Variants in SLC6A11 observed in about 807,000 individuals in gnomAD.
SLC6A11 encodes the protein sodium- and chloride-dependent GABA transporter 3.
Under a neutral mutation model 74.8 loss-of-function variants are expected in SLC6A11, and 25 were observed. The observed-to-expected ratio is 0.33, with a 90% confidence interval of 0.24 to 0.47. SLC6A11 has a LOEUF of 0.47. SLC6A11 is among the 20% of genes least tolerant of loss of function. The pLI is 1.00. For synonymous variants in SLC6A11, 330 were observed against 330.2 expected (o/e 1.00, Z 0.01); for missense variants, 574 against 837.0 (o/e 0.69, Z 3.88).
chr3:10,899,008 A>G (rs1428920822), intron 6 of SLC6A11, among the ~76,000 whole-genome samples: 1 of 152,192 alleles, frequency 6.6e-6, no homozygotes, highest in Non-Finnish European at 1.5e-5. Flanking sequence ...GCCAAGCAAA[A>G]CAGGTTTCCC....
At chr3:10,845,421 C>T (rs573643202) in intron 5 of SLC6A11, among the ~76,000 whole-genome samples, 3 of 152,300 alleles carry the variant, frequency 2.0e-5, no homozygotes, top group Admixed American at 6.5e-5. Flanking sequence ...TCTCTCATGC[C>T]TGGGTTGCAC....
intron 8 of SLC6A11, among the ~76,000 whole-genome samples, chr3:10,920,871 G>C (rs1047716065): frequency 6.6e-6 from 1 of 152,250 alleles, no homozygotes; most frequent in Non-Finnish European, 1.5e-5. Context: ...TGTGCCTCTG[G>C]TTGGGGGTGT....
At chr3:10,852,389 A>G (rs1373396655) in intron 5 of SLC6A11, among the ~76,000 whole-genome samples, 1 of 152,276 alleles carries the variant, frequency 6.6e-6, no homozygotes, top group Non-Finnish European at 1.5e-5. Context: ...CTTTAAGTCA[A>G]AGGAGTTCAG....
chr3:10,896,894 G>A (rs528224696), intron 6 of SLC6A11, among the ~76,000 whole-genome samples: 102 of 152,172 alleles, frequency 6.7e-4, no homozygotes, highest in Non-Finnish European at 9.6e-4. Context: ...CCATATTCAC[G>A]TTGCTGATAA....
chr3:10,936,056 T>C (rs11128533), intron 13 of SLC6A11, among the ~76,000 whole-genome samples: 33,891 of 152,098 alleles, frequency 0.22, 4,545 homozygotes, highest in Middle Eastern at 0.34. Flanking sequence ...AGAGCGGCAC[T>C]CCCTATTCAC....
At chr3:10,883,105 G>A (rs1387209384) in intron 6 of SLC6A11, among the ~76,000 whole-genome samples, 4 of 152,194 alleles carry the variant, frequency 2.6e-5, no homozygotes, top group African/African-American at 9.7e-5. Flanking sequence ...GACCTTTATT[G>A]TGGATCCAGT....
At chr3:10,885,253 A>T (rs1441383529) in intron 6 of SLC6A11, among the ~76,000 whole-genome samples, 1 of 152,140 alleles carries the variant, frequency 6.6e-6, no homozygotes, top group Non-Finnish European at 1.5e-5. Context: ...CTAGATGACC[A>T]CCTTAACCTT....
chr3:10,859,167 G>A (rs546610354), intron 5 of SLC6A11, among the ~76,000 whole-genome samples: 3 of 152,356 alleles, frequency 2.0e-5, no homozygotes, highest in Admixed American at 2.0e-4. Flanking sequence ...CAGAACACAT[G>A]CCATTAAGTA....
intron 6 of SLC6A11, among the ~76,000 whole-genome samples, chr3:10,885,365 C>T (rs1011113148): frequency 6.6e-6 from 1 of 152,114 alleles, no homozygotes; most frequent in Non-Finnish European, 1.5e-5. Context: ...CAAGCTCTGC[C>T]TCCCCTATAA....
intron 6 of SLC6A11, among the ~76,000 whole-genome samples, chr3:10,898,628 T>C (rs1236322621): frequency 6.6e-6 from 1 of 152,228 alleles, no homozygotes; most frequent in Non-Finnish European, 1.5e-5. Context: ...TCAGCCTGGA[T>C]TTCATTGTCC....
rs912613791 is a variant in SLC6A11 at position 10,816,573 on chromosome 3, CG to C, written c.256+56del. The C allele has an allele frequency of 1.4e-6, 2 of 1,423,122 alleles. No individual in the cohort carries two copies. Among genetic ancestry groups the C allele is most frequent in the Admixed American group, 2.1e-5 (1 of 46,594 alleles). The allele number at this position is 1,423,122 out of a possible 1,614,324, so 88.2% of individuals were successfully genotyped here. A position where few individuals can be genotyped will look rare whatever the true frequency, so the allele number is the denominator to read the frequency against. On this transcript the variant is annotated intron_variant, in intron 1 of 13. Transcript: ENST00000254488. The surrounding 1 kb of genome is among the most constrained non-coding windows in gnomAD (Gnocchi z 4.2). ...GGGGGCGCCAACCGCCCGGTGGGGG[CG>C]GGGAGCCAGGGGCGAGCGCGAGACC... is the stretch of plus-strand genomic sequence containing the variant.
intron 4 of SLC6A11, among the ~76,000 whole-genome samples, chr3:10,841,580 A>G (rs1325512556): frequency 6.6e-6 from 1 of 152,222 alleles, no homozygotes; most frequent in East Asian, 1.9e-4. Context: ...GCTTTTAGTA[A>G]TCTGCTTCCC....
chr3:10,873,297 T>A (rs1301632506), intron 5 of SLC6A11, among the ~76,000 whole-genome samples: 1 of 152,024 alleles, frequency 6.6e-6, no homozygotes, highest in Non-Finnish European at 1.5e-5. Context: ...CAAGCCCAAA[T>A]GGTTCCAGGC....
chr3:10,903,914 A>G (rs1282375028), intron 6 of SLC6A11, among the ~76,000 whole-genome samples: 1 of 152,246 alleles, frequency 6.6e-6, no homozygotes. Flanking sequence ...AGGAAAAAGA[A>G]GTAAAGCTTT....
At chr3:10,886,995 G>A (rs1159041906) in intron 6 of SLC6A11, among the ~76,000 whole-genome samples, 1 of 152,200 alleles carries the variant, frequency 6.6e-6, no homozygotes, top group Non-Finnish European at 1.5e-5. Flanking sequence ...TATCCGCTGT[G>A]AACTTCTCAG....
intron 6 of SLC6A11, 66 bp from the exon 7 acceptor site, chr3:10,912,024 C>A: frequency 9.3e-7 from 1 of 1,079,594 alleles, no homozygotes; most frequent in Non-Finnish European, 1.4e-6. Context: ...ATTTCAGAGA[C>A]CAGGGCTACC....
At position 10,922,555 on chromosome 3, in the gene SLC6A11, T is replaced by C. The variant is rs113432806; in HGVS notation, c.1121-3449T>C. On this transcript the variant is annotated intron_variant, in intron 8 of 13. Coordinates refer to ENST00000254488, the MANE Select transcript of SLC6A11 (RefSeq NM_014229.3). ...AGGATTAACTAGAAACAAACAAGGA[T>C]GGTTACCTTCAGGGGTGGTCGGAAA... is the stretch of plus-strand genomic sequence containing the variant. 2.5e-3 allele frequency among the ~76,000 whole-genome samples: 377 copies of C among 152,132 alleles called. 1 individual carries two copies. The highest frequency in any genetic ancestry group is 8.8e-3 in the African/African-American group (364 of 41,496).
intron 4 of SLC6A11, among the ~76,000 whole-genome samples, chr3:10,827,427 A>C (rs1055213505): frequency 1.3e-5 from 2 of 152,118 alleles, no homozygotes; most frequent in Non-Finnish European, 2.9e-5. Context: ...GAGCATACCT[A>C]ATTCCATTTC....
intron 6 of SLC6A11, among the ~76,000 whole-genome samples, chr3:10,880,639 G>A (rs1025705214): frequency 7.9e-5 from 12 of 152,332 alleles, no homozygotes; most frequent in Admixed American, 2.6e-4. Context: ...TCTGAGCCCC[G>A]TTGGTCCCCA....
Sources: allele counts gnomAD v4.1 joint callset (sites outside exome capture counted in the v4.1 genomes callset), GRCh38; gene constraint gnomAD v4.1.1; non-coding constraint Gnocchi (gnomAD v3.1); transcripts MANE v1.5; gene names NCBI Gene and HGNC (gene_info 2026-07-23, HGNC 2026-07-21).